AGBL4: variants seen among roughly 807,000 people sequenced by gnomAD.
AGBL4 encodes cytosolic carboxypeptidase 6.
AGBL4 carries 58 observed loss-of-function variants against 66.4 expected under a neutral mutation model. That is an observed-to-expected ratio of 0.87 (90% CI 0.71 to 1.09). The LOEUF is 1.09. Ranked by LOEUF, AGBL4 falls within the 50% of genes least tolerant of loss-of-function variation. AGBL4 has a pLI of 0.00. For synonymous variants in AGBL4, 234 were observed against 222.9 expected (o/e 1.05, Z -0.44); for missense variants, 579 against 631.0 (o/e 0.92, Z 0.88).
intron 3 of AGBL4, among the ~76,000 whole-genome samples, chr1:49,393,985 A>C (rs1349798710): frequency 6.6e-6 from 1 of 152,200 alleles, no homozygotes; most frequent in Non-Finnish European, 1.5e-5. Context: ...TTTATTCTAC[A>C]GACAATGGAA....
chr1:49,561,866 C>A (rs919997540), intron 3 of AGBL4, among the ~76,000 whole-genome samples: 2 of 152,004 alleles, frequency 1.3e-5, no homozygotes, highest in Admixed American at 6.6e-5. Context: ...AGTTCTAGAT[C>A]CCTGAGGAAT....
intron 3 of AGBL4, among the ~76,000 whole-genome samples, chr1:49,298,220 T>C (rs1176326601): frequency 1.3e-5 from 2 of 152,190 alleles, no homozygotes; most frequent in Non-Finnish European, 2.9e-5. Flanking sequence ...CTGTAGAGAA[T>C]GGCAGCCTTT....
chr1:49,053,019 A>T (rs1241382250), intron 4 of AGBL4, among the ~76,000 whole-genome samples: 1 of 152,084 alleles, frequency 6.6e-6, no homozygotes, highest in Non-Finnish European at 1.5e-5. Context: ...TAGCTTATAG[A>T]TTTGTTGTGA....
chr1:49,545,382 T>C (rs990500038), intron 3 of AGBL4, among the ~76,000 whole-genome samples: 3 of 152,204 alleles, frequency 2.0e-5, no homozygotes, highest in African/African-American at 7.2e-5. Flanking sequence ...GAGGATAATC[T>C]TCCCCAGTCA....
chr1:49,344,449 T>C (rs1645600009), intron 3 of AGBL4, among the ~76,000 whole-genome samples: 2 of 152,318 alleles, frequency 1.3e-5, no homozygotes, highest in South Asian at 4.1e-4. Flanking sequence ...CTTAAAGGAT[T>C]GTTTTAAGTG....
At chr1:49,197,016 A>T (rs752466228) in intron 4 of AGBL4, among the ~76,000 whole-genome samples, 1 of 151,840 alleles carries the variant, frequency 6.6e-6, no homozygotes, top group Non-Finnish European at 1.5e-5. Flanking sequence ...TTTAGTAGAG[A>T]TGGGGTTTTG....
At chr1:49,481,660 T>A (rs770715146) in intron 3 of AGBL4, among the ~76,000 whole-genome samples, 7 of 151,968 alleles carry the variant, frequency 4.6e-5, no homozygotes, top group Admixed American at 1.3e-4. Context: ...TCTAATACTT[T>A]GTTGAATAGG....
At chr1:49,323,531 A>C (rs561387926) in intron 3 of AGBL4, among the ~76,000 whole-genome samples, 1 of 147,206 alleles carries the variant, frequency 6.8e-6, no homozygotes, top group South Asian at 2.1e-4. Flanking sequence ...TCCTGGGCTC[A>C]GGCAATCCGC....
chr1:49,183,032 T>C (rs1569971829), intron 4 of AGBL4, among the ~76,000 whole-genome samples: 1 of 152,180 alleles, frequency 6.6e-6, no homozygotes, highest in African/African-American at 2.4e-5. Context: ...TTCCTAAACA[T>C]AATCCTGTCT....
At chr1:49,689,377 A>G (rs1646844315) in intron 3 of AGBL4, among the ~76,000 whole-genome samples, 1 of 152,088 alleles carries the variant, frequency 6.6e-6, no homozygotes, top group African/African-American at 2.4e-5. Context: ...AAAGGAGTTC[A>G]CTGTAGATAA....
At chr1:49,285,902 AC>A (rs1644395597) in intron 3 of AGBL4, among the ~76,000 whole-genome samples, 1 of 152,224 alleles carries the variant, frequency 6.6e-6, no homozygotes, top group Non-Finnish European at 1.5e-5. Context: ...GGGCAGAGAC[AC>A]AACCAAAAAA....
chr1:48,738,507 T>G (rs1476712668), intron 6 of AGBL4, among the ~76,000 whole-genome samples: 2 of 152,236 alleles, frequency 1.3e-5, no homozygotes, highest in African/African-American at 4.8e-5. Context: ...AGACTGGGCA[T>G]GCTGGGGACA....
chr1:49,847,838 A>C (rs1483277231), intron 2 of AGBL4, among the ~76,000 whole-genome samples: 1 of 151,838 alleles, frequency 6.6e-6, no homozygotes, highest in Non-Finnish European at 1.5e-5. Flanking sequence ...AGTAGCTGGG[A>C]CTATAGGCGC....
intron 1 of AGBL4, among the ~76,000 whole-genome samples, chr1:49,930,584 T>C (rs1653237257): frequency 6.6e-6 from 1 of 152,176 alleles, no homozygotes; most frequent in African/African-American, 2.4e-5. Context: ...TGATGTATCA[T>C]GATTAACTGG....
chr1:48,992,771 C>T (rs1660701707), intron 5 of AGBL4, among the ~76,000 whole-genome samples: 2 of 152,134 alleles, frequency 1.3e-5, no homozygotes, highest in African/African-American at 4.8e-5. Context: ...CACCACAGGG[C>T]CCATGAGGAG....
At chr1:49,328,485 A>G (rs1645268129) in intron 3 of AGBL4, among the ~76,000 whole-genome samples, 1 of 152,166 alleles carries the variant, frequency 6.6e-6, no homozygotes, top group Non-Finnish European at 1.5e-5. Context: ...ATACACTTTT[A>G]TTAATGGGGT....
At chr1:49,371,278 TACATACATAC>T (rs1314076864) in intron 3 of AGBL4, among the ~76,000 whole-genome samples, 1 of 149,996 alleles carries the variant, frequency 6.7e-6, no homozygotes. Flanking sequence ...CATACATACA[TACATACATAC>T]ACACACACAC....
intron 2 of AGBL4, among the ~76,000 whole-genome samples, chr1:49,765,897 AT>A (rs1437759049): frequency 3.9e-5 from 6 of 152,178 alleles, no homozygotes; most frequent in Non-Finnish European, 7.3e-5. Context: ...ATGAAAAAAA[AT>A]GTTTTAAATG....
At chr1:49,841,495 T>G (rs2148040264) in intron 2 of AGBL4, among the ~76,000 whole-genome samples, 1 of 152,176 alleles carries the variant, frequency 6.6e-6, no homozygotes, top group Admixed American at 6.5e-5. Flanking sequence ...AAAAAAATCA[T>G]AAAATTCATA....
Sources: allele counts gnomAD v4.1 joint callset (sites outside exome capture counted in the v4.1 genomes callset), GRCh38; gene constraint gnomAD v4.1.1; transcripts MANE v1.5; gene names NCBI Gene and HGNC (gene_info 2026-07-23, HGNC 2026-07-21).